Variants in KCNIP4 observed in about 807,000 individuals in gnomAD.
KCNIP4 encodes the protein Kv channel-interacting protein 4.
Under a neutral mutation model 34.0 loss-of-function variants are expected in KCNIP4, and 12 were observed. That is an observed-to-expected ratio of 0.35 (90% CI 0.23 to 0.57). The LOEUF (loss-of-function observed/expected upper bound fraction) is 0.57, where lower values mean the gene tolerates loss of function less well. KCNIP4 is among the 20% of genes least tolerant of loss of function. KCNIP4 has a pLI of 0.83. For synonymous variants in KCNIP4, 124 were observed against 102.2 expected, an observed-to-expected ratio of 1.21 and a Z score of -1.29; for missense variants, 238 against 311.7, an observed-to-expected ratio of 0.76 and a Z score of 1.78.
intron 1 of KCNIP4, among the ~76,000 whole-genome samples, chr4:21,871,537 C>T (rs1211918854): frequency 6.6e-6 from 1 of 151,740 alleles, no homozygotes; most frequent in African/African-American, 2.4e-5. Flanking sequence ...CAAACTATCG[C>T]AAGGACAGAA....
chr4:21,612,224 T>G (rs1194293250), intron 1 of KCNIP4, among the ~76,000 whole-genome samples: 1 of 152,206 alleles, frequency 6.6e-6, no homozygotes, highest in Non-Finnish European at 1.5e-5. Context: ...ACAGCATCAC[T>G]GAAATATTAT....
intron 1 of KCNIP4, among the ~76,000 whole-genome samples, chr4:20,981,406 A>C (rs1736049009): frequency 6.6e-6 from 1 of 152,204 alleles, no homozygotes; most frequent in African/African-American, 2.4e-5. Context: ...AATATTTCAC[A>C]TGGTATTAGC....
intron 1 of KCNIP4, among the ~76,000 whole-genome samples, chr4:21,037,353 G>A (rs1465020535): frequency 1.3e-5 from 2 of 152,160 alleles, no homozygotes; most frequent in Non-Finnish European, 2.9e-5. Context: ...TCCACTCATA[G>A]TAAGTGCCCT....
chr4:21,747,963 C>G (rs1329943541), intron 1 of KCNIP4, among the ~76,000 whole-genome samples: 1 of 152,072 alleles, frequency 6.6e-6, no homozygotes, highest in African/African-American at 2.4e-5. Context: ...AAGGCTGCCA[C>G]AAGCCAAGGA....
intron 1 of KCNIP4, among the ~76,000 whole-genome samples, chr4:20,956,678 T>C (rs1733340851): frequency 6.6e-6 from 1 of 152,134 alleles, no homozygotes; most frequent in Non-Finnish European, 1.5e-5. Flanking sequence ...GTTAAAGAAA[T>C]GTATTCTAAA....
chr4:21,786,217 G>A (rs1719902873), intron 1 of KCNIP4, among the ~76,000 whole-genome samples: 1 of 152,162 alleles, frequency 6.6e-6, no homozygotes, highest in Non-Finnish European at 1.5e-5. Context: ...AAAGTGCTGG[G>A]ATTACAGGCC....
At chr4:21,655,211 T>G (rs1276115034) in intron 1 of KCNIP4, among the ~76,000 whole-genome samples, 1 of 152,106 alleles carries the variant, frequency 6.6e-6, no homozygotes, top group Non-Finnish European at 1.5e-5. Context: ...TTCCACATGT[T>G]AAAATGCAGA....
chr4:20,959,234 C>G (rs537796692), intron 1 of KCNIP4, among the ~76,000 whole-genome samples: 27 of 152,238 alleles, frequency 1.8e-4, no homozygotes, highest in Middle Eastern at 6.8e-3. Flanking sequence ...TACAGGTAGC[C>G]AAAATAAATG....
Position 20,852,798 on chromosome 4 carries a change from G to A in KCNIP4, c.164-2131C>T, listed in dbSNP as rs188929187. On this transcript the variant is annotated intron_variant, in intron 2 of 8. Coordinates refer to ENST00000382152, the MANE Select transcript of KCNIP4 (RefSeq NM_025221.6). ...TGAAGTTTCTGGACAGAAAATTAAT[G>A]TACAAAAATCAGTAGCTCTTCTATA... Among the ~76,000 whole-genome samples, 26 of 152,268 alleles carry A rather than the reference G, an allele frequency of 1.7e-4. No homozygotes were observed. The East Asian group carries it at 3.7e-3, about 22-fold the overall frequency.
At chr4:21,427,302 G>A (rs1329675100) in intron 1 of KCNIP4, among the ~76,000 whole-genome samples, 1 of 150,050 alleles carries the variant, frequency 6.7e-6, no homozygotes, top group Non-Finnish European at 1.5e-5. Context: ...TTAAGCCACG[G>A]GAATAAATAT....
intron 1 of KCNIP4, among the ~76,000 whole-genome samples, chr4:21,750,746 G>A (rs574933852): frequency 6.6e-6 from 1 of 152,204 alleles, no homozygotes; most frequent in South Asian, 2.1e-4. Flanking sequence ...GTATTTTCCA[G>A]GTGCTCAACA....
intron 1 of KCNIP4, among the ~76,000 whole-genome samples, chr4:21,213,332 T>C (rs1757356635): frequency 6.6e-6 from 1 of 152,090 alleles, no homozygotes; most frequent in Admixed American, 6.6e-5. Context: ...GATGGGATCT[T>C]GCTCTGTCAC....
intron 3 of KCNIP4, among the ~76,000 whole-genome samples, chr4:20,837,623 G>GATATAT (rs34413889): frequency 2.1e-5 from 3 of 143,884 alleles, no homozygotes; most frequent in African/African-American, 7.8e-5. Context: ...AGTTCTCAGT[G>GATATAT]ATATATATAT....
Position 21,483,230 on chromosome 4 carries a change from A to AATATAT in KCNIP4, c.61+465335_61+465340dup, listed in dbSNP as rs61650696. Among the ~76,000 whole-genome samples the AATATAT allele has an allele frequency of 1.6e-3, 241 of 150,534 alleles. 1 individual carries two copies. Among genetic ancestry groups the AATATAT allele is most frequent in the Non-Finnish European group, 3.0e-3 (200 of 67,642 alleles). On this transcript the variant is annotated intron_variant, in intron 1 of 8. Transcript: ENST00000382152. ...ACCCTACAACTTAAAGTATAATTTA[A>AATATAT]ATATATATATATATAAAGAAATAAA... is the stretch of plus-strand genomic sequence containing the variant.
intron 1 of KCNIP4, among the ~76,000 whole-genome samples, chr4:20,990,941 A>T (rs1169235349): frequency 1.3e-5 from 2 of 152,170 alleles, no homozygotes; most frequent in Non-Finnish European, 2.9e-5. Context: ...AATTCCTACC[A>T]CGTGACACAC....
intron 2 of KCNIP4, among the ~76,000 whole-genome samples, chr4:20,852,194 T>C (rs1385174145): frequency 6.6e-6 from 1 of 152,172 alleles, no homozygotes; most frequent in Non-Finnish European, 1.5e-5. Context: ...TACAGACTGA[T>C]ATCCTTGATG....
rs180952058 is a variant in KCNIP4, at chr4:21,604,039, C to T, written c.61+344532G>A. ...GAAATCTAAGATTTTTTTCATTCGTCGATTATAAATTTTAGGTTTTACTTT... is the reference window on the plus strand; with the variant it reads ...GAAATCTAAGATTTTTTTCATTCGTTGATTATAAATTTTAGGTTTTACTTT... On this transcript the variant is annotated intron_variant, in intron 1 of 8. Coordinates refer to ENST00000382152, the MANE Select transcript of KCNIP4 (RefSeq NM_025221.6). Among the ~76,000 whole-genome samples, 3 of 151,018 alleles carry T rather than the reference C, an allele frequency of 2.0e-5. No individual in the cohort carries two copies. In the East Asian group the frequency reaches 5.8e-4, roughly 29 times the overall value.
At chr4:21,141,904 C>A (rs1751981153) in intron 1 of KCNIP4, among the ~76,000 whole-genome samples, 1 of 151,454 alleles carries the variant, frequency 6.6e-6, no homozygotes, top group African/African-American at 2.4e-5. Context: ...GTAATCCCAG[C>A]ACTTTGGGAG....
intron 1 of KCNIP4, among the ~76,000 whole-genome samples, chr4:21,312,678 G>A (rs1713312380): frequency 6.6e-6 from 1 of 152,120 alleles, no homozygotes; most frequent in African/African-American, 2.4e-5. Context: ...ATATTTAAAG[G>A]GTTTTGTTTG....
Sources: gnomAD v4.1 joint callset for allele counts (sites outside exome capture counted in the v4.1 genomes callset) on GRCh38, gnomAD v4.1.1 for gene constraint, MANE v1.5 for transcripts, NCBI Gene and HGNC (gene_info 2026-07-23, HGNC 2026-07-21) for gene names.